Variants in PDK2 observed in about 807,000 individuals in gnomAD.
PDK2 encodes the protein pyruvate dehydrogenase kinase 2, also known as pyruvate dehydrogenase kinase, isozyme 2.
Under a neutral mutation model 50.4 loss-of-function variants are expected in PDK2, and 34 were observed. That is an observed-to-expected ratio of 0.68 (90% confidence interval 0.51 to 0.90). The LOEUF (loss-of-function observed/expected upper bound fraction) is 0.90. Ranked by LOEUF, PDK2 falls within the 40% of genes least tolerant of loss-of-function variation. The probability of loss-of-function intolerance (pLI) is 0.00; values close to 1 mark genes in which losing one functional copy is unlikely to be tolerated. For missense variants in PDK2, 377 were observed against 544.5 expected (o/e 0.69, Z 3.06); for synonymous variants, 232 against 216.0 (o/e 1.07, Z -0.65).
In PDK2 at chr17:50,106,876, G is replaced by T. The variant is rs751580659; in HGVS notation, c.600G>T (p.Val200=). The change falls in exon 5 of 11, where the codon GTG becomes GTT. Residue 200 remains valine, a synonymous_variant. Coordinates refer to ENST00000503176, the MANE Select transcript of PDK2 (RefSeq NM_002611.5). ...ACCCCAACTGCAACGTCTCTGAGGT[G>T]GTCAAAGGTGAGCCATTCCCACGGT... ...SIDPNCNVSE[V]VKDAYDMAKL... The T allele has an allele frequency of 1.2e-6, 2 of 1,613,860 alleles. No individual in the cohort carries two copies. Among genetic ancestry groups the T allele is most frequent in the South Asian group, 1.1e-5 (1 of 91,072 alleles).
intron 6 of PDK2, chr17:50,107,931 G>A (rs867607759): frequency 1.8e-6 from 1 of 570,684 alleles, no homozygotes; most frequent in East Asian, 3.0e-5. Flanking sequence ...TTCAGTTCTA[G>A]CCTGGAGGAA....
chr17:50,099,980 A>G (rs1391189093), intron 2 of PDK2, among the ~76,000 whole-genome samples: 1 of 152,224 alleles, frequency 6.6e-6, no homozygotes, highest in Non-Finnish European at 1.5e-5. Flanking sequence ...GCTGCCTGTA[A>G]GAGAGTGGAG....
At chr17:50,095,845 AAGGGAGT>A in intron 1 of PDK2, 1 of 1,102,582 alleles carries the variant, frequency 9.1e-7, no homozygotes, top group Non-Finnish European at 1.1e-6. Flanking sequence ...TTACTGCAGG[AAGGGAGT>A]AGGGTGGTAT....
chr17:50,108,498 C>T (rs2144373464), intron 8 of PDK2, 81 bp downstream of exon 8: 1 of 1,403,224 alleles, frequency 7.1e-7, no homozygotes, highest in South Asian at 1.2e-5. Flanking sequence ...TTCCTTTTCT[C>T]CTACATGGTG....
intron 2 of PDK2, among the ~76,000 whole-genome samples, chr17:50,099,232 C>T (rs1051070029): frequency 3.3e-5 from 5 of 152,136 alleles, no homozygotes; most frequent in Admixed American, 2.0e-4. Flanking sequence ...CTGGCTGCCT[C>T]TCCACCTGGT....
rs192067674 is a variant in PDK2 at position 50,109,762 on chromosome 17, C to G, written c.1084-195C>G. 5.3e-5 allele frequency among the ~76,000 whole-genome samples: 8 copies of G among 152,198 alleles called. No homozygotes were observed. The highest frequency in any genetic ancestry group is 1.9e-4 in the East Asian group (1 of 5,186). ...GGGTCACACAGCCCAGCCTCCTCCC[C>G]CTCCCTCTCCCTCCCTTAGAGGGAG... On this transcript the variant is annotated intron_variant, in intron 10 of 10. Coordinates refer to ENST00000503176, the MANE Select transcript of PDK2 (RefSeq NM_002611.5). The surrounding 1 kb of genome is among the most constrained non-coding windows in gnomAD (Gnocchi z 5.0).
chr17:50,103,331 A>G (rs1257944339), intron 2 of PDK2, among the ~76,000 whole-genome samples: 1 of 152,128 alleles, frequency 6.6e-6, no homozygotes, highest in African/African-American at 2.4e-5. Context: ...GCAGTGGGGC[A>G]GGTCTCCAGG....
intron 2 of PDK2, among the ~76,000 whole-genome samples, chr17:50,104,012 C>T (rs527461746): frequency 6.6e-6 from 1 of 152,276 alleles, no homozygotes; most frequent in East Asian, 1.9e-4. Context: ...CCCCTGGGGC[C>T]CTTGGCACTG....
At chr17:50,095,714 G>A in intron 1 of PDK2, 161 bp downstream of exon 1, 2 of 1,431,786 alleles carry the variant, frequency 1.4e-6, no homozygotes, top group South Asian at 1.5e-5. Context: ...AGCAGGAACC[G>A]GCCGGGGCCT....
At chr17:50,105,592 C>T (rs983760135) in intron 3 of PDK2, 150 bp downstream of exon 3, 2 of 729,834 alleles carry the variant, frequency 2.7e-6, no homozygotes, top group Admixed American at 2.9e-5. Context: ...GACTCTGCTT[C>T]AGGGAGCCCC....
At chr17:50,106,524 TA>T in intron 4 of PDK2, 1 of 532,782 alleles carries the variant, frequency 1.9e-6, no homozygotes, top group Non-Finnish European at 3.3e-6. Flanking sequence ...AAGAAAAGAA[TA>T]AATGCAATGT....
chr17:50,096,420 A>C, intron 1 of PDK2: 1 of 517,874 alleles, frequency 1.9e-6, no homozygotes, highest in Non-Finnish European at 2.5e-6. Flanking sequence ...CCAGCTGGGG[A>C]CTGGGGGTGG....
Position 50,106,188 on chromosome 17 carries a change from A to G in PDK2, c.517+119A>G, listed in dbSNP as rs532583550. 50 of 1,514,138 alleles carry G rather than the reference A, an allele frequency of 3.3e-5. No individual in the cohort carries two copies. The African/African-American group carries it at 6.5e-4, about 20-fold the overall frequency. 93.8% of individuals were successfully genotyped at this position (1,514,138 alleles called of 1,614,324 possible). A position where few individuals can be genotyped will look rare whatever the true frequency, so the allele number is the denominator to read the frequency against. On this transcript the variant is annotated intron_variant, in intron 4 of 10. Coordinates refer to ENST00000503176, the MANE Select transcript of PDK2 (RefSeq NM_002611.5). ...AGAACCCCACAAAGGGAGTCTTTGA[A>G]TAGTTACTCCAGTAACTATGGAGTT...
chr17:50,102,087 G>T (rs564791313), intron 2 of PDK2, among the ~76,000 whole-genome samples: 1 of 152,300 alleles, frequency 6.6e-6, no homozygotes, highest in Admixed American at 6.5e-5. Flanking sequence ...CCAGAGGCCA[G>T]CGCCACTCGT....
chr17:50,102,743 G>A (rs1476459929), intron 2 of PDK2, among the ~76,000 whole-genome samples: 1 of 152,246 alleles, frequency 6.6e-6, no homozygotes, highest in African/African-American at 2.4e-5. Flanking sequence ...TGTAAAATGG[G>A]TCCAGCAGTA....
intron 1 of PDK2, chr17:50,096,316 G>C: frequency 2.0e-6 from 2 of 984,920 alleles, no homozygotes; most frequent in African/African-American, 3.5e-5. Flanking sequence ...AGCAACCTGG[G>C]GGTGGCCCTG....
intron 2 of PDK2, among the ~76,000 whole-genome samples, chr17:50,102,079 A>C (rs544856021): frequency 6.6e-6 from 1 of 152,310 alleles, no homozygotes; most frequent in East Asian, 1.9e-4. Flanking sequence ...TGGGCAGCCC[A>C]GAGGCCAGCG....
At position 50,095,535 on chromosome 17, in the gene PDK2, A is replaced by C; in HGVS notation, c.100A>C (p.Lys34Gln). 6 of 1,606,520 alleles carry C rather than the reference A, an allele frequency of 3.7e-6. No individual in the cohort carries two copies. Among genetic ancestry groups the C allele is most frequent in the Non-Finnish European group, 5.1e-6 (6 of 1,176,664 alleles). Residue 34 changes from lysine (K) to glutamine (Q), a missense_variant, in exon 1 of 11, where the codon AAG (lysine) becomes CAG (glutamine). Transcript: ENST00000503176. ...GTTCTCCCCGTCCCCGCTGTCCATG[A>C]AGCAGTTTCTGGACTTCGGTACGGA... ...SKFSPSPLSM[K>Q]QFLDFGSSNA...
intron 2 of PDK2, among the ~76,000 whole-genome samples, chr17:50,099,829 G>C (rs1483661641): frequency 6.6e-6 from 1 of 152,258 alleles, no homozygotes; most frequent in East Asian, 1.9e-4. Context: ...TTAGAGGAGA[G>C]CAGGCCGAGG....
Sources: gnomAD v4.1 joint callset for allele counts (sites outside exome capture counted in the v4.1 genomes callset) on GRCh38, gnomAD v4.1.1 for gene constraint, Gnocchi (gnomAD v3.1) non-coding constraint, MANE v1.5 for transcripts, NCBI Gene and HGNC (gene_info 2026-07-23, HGNC 2026-07-21) for gene names.